The following TMEM17 variants were observed in gnomAD, a reference collection of about 807,000 sequenced individuals.
TMEM17 encodes the protein transmembrane protein 17.
A neutral mutation model predicts 19.1 loss-of-function variants in TMEM17; 15 were observed. The ratio of observed to expected loss-of-function variants is 0.78; its 90% CI spans 0.52 to 1.21. TMEM17 has a LOEUF of 1.21. Among genes scored for constraint, TMEM17 ranks in the 50% most tolerant of loss-of-function variants. The pLI is 0.00. For synonymous variants in TMEM17, 103 were observed against 86.9 expected, an observed-to-expected ratio of 1.19 and a Z score of -1.03; for missense variants, 245 against 242.3, an observed-to-expected ratio of 1.01 and a Z score of -0.07.
the TMEM17 span, among the ~76,000 whole-genome samples, chr2:62,492,384 C>T: frequency 6.6e-6 from 1 of 152,184 alleles, no homozygotes; most frequent in Non-Finnish European, 1.5e-5. Context: ...CAGCACACTG[C>T]CTGGCACATT....
At chr2:62,494,633 G>A in the TMEM17 span, among the ~76,000 whole-genome samples, 4 of 152,054 alleles carry the variant, frequency 2.6e-5, no homozygotes, top group African/African-American at 9.7e-5. Flanking sequence ...ATACTTTTCT[G>A]CCAGCCAAAT....
the TMEM17 span, among the ~76,000 whole-genome samples, chr2:62,470,451 A>G: frequency 6.6e-6 from 1 of 152,214 alleles, no homozygotes; most frequent in Admixed American, 6.5e-5. Flanking sequence ...AGGGATAAAC[A>G]TTCATGAGCA....
the TMEM17 span, among the ~76,000 whole-genome samples, chr2:62,493,199 T>C: frequency 1.3e-5 from 2 of 151,920 alleles, no homozygotes; most frequent in African/African-American, 4.8e-5. Context: ...GCTATTTTTT[T>C]CTATTTTTTG....
chr2:62,474,995 C>T, the TMEM17 span, among the ~76,000 whole-genome samples: 1 of 152,180 alleles, frequency 6.6e-6, no homozygotes, highest in Non-Finnish European at 1.5e-5. Flanking sequence ...TCACTTGGGA[C>T]GCTTTTTAAA....
the TMEM17 span, among the ~76,000 whole-genome samples, chr2:62,478,376 A>G: frequency 6.6e-6 from 1 of 152,290 alleles, no homozygotes; most frequent in African/African-American, 2.4e-5. Flanking sequence ...TGCTTCCTGT[A>G]TAGAGAAGGC....
In TMEM17 at chr2:62,501,081, G is replaced by T; in HGVS notation, c.*128C>A. ...AAGTTTCATCATTGCCCCCAACCTT[G>T]GAATTTCAGAGTGAGAGCATATACA... On this transcript the variant is annotated 3_prime_UTR_variant, in exon 4 of 4. Transcript: ENST00000335390. 9.2e-7 allele frequency: 1 copy of T among 1,082,074 alleles called. No individual in the cohort carries two copies. The highest frequency in any genetic ancestry group is 1.3e-6 in the Non-Finnish European group (1 of 757,638). The allele number at this position is 1,082,074 out of a possible 1,614,324, so 67.0% of individuals were successfully genotyped here. A position where few individuals can be genotyped will look rare whatever the true frequency, so the allele number is the denominator to read the frequency against.
the TMEM17 span, among the ~76,000 whole-genome samples, chr2:62,493,596 C>G: frequency 1.3e-5 from 2 of 152,110 alleles, no homozygotes; most frequent in Non-Finnish European, 2.9e-5. Context: ...TTGAAAAGTA[C>G]ATGTTGGAGA....
chr2:62,504,733 G>A (rs1471617002), intron 1 of TMEM17, among the ~76,000 whole-genome samples: 1 of 152,170 alleles, frequency 6.6e-6, no homozygotes, highest in Non-Finnish European at 1.5e-5. Context: ...GCCTGTTTTT[G>A]TACAGTCAAT....
the TMEM17 span, among the ~76,000 whole-genome samples, chr2:62,486,931 T>TG: frequency 6.6e-6 from 1 of 151,280 alleles, no homozygotes; most frequent in Non-Finnish European, 1.5e-5. Flanking sequence ...AGGCAGACAC[T>TG]GGGGGGTAAA....
chr2:62,478,345 G>C, the TMEM17 span, among the ~76,000 whole-genome samples: 13 of 152,274 alleles, frequency 8.5e-5, no homozygotes, highest in African/African-American at 3.1e-4. Context: ...TCAGGGAAGG[G>C]AGCAACATGT....
At chr2:62,490,847 T>TGGGCG in the TMEM17 span, among the ~76,000 whole-genome samples, 1 of 152,000 alleles carries the variant, frequency 6.6e-6, no homozygotes, top group Non-Finnish European at 1.5e-5. Flanking sequence ...GAGGCCAAGA[T>TGGGCG]GGGCGGATCA....
downstream of TMEM17, among the ~76,000 whole-genome samples, chr2:62,498,764 T>C (rs1679843868): frequency 6.6e-6 from 1 of 151,844 alleles, no homozygotes; most frequent in Middle Eastern, 3.4e-3. Flanking sequence ...TTTTGATTTA[T>C]ACAAAAAATA....
At chr2:62,485,140 C>G in the TMEM17 span, among the ~76,000 whole-genome samples, 2 of 152,162 alleles carry the variant, frequency 1.3e-5, no homozygotes, top group African/African-American at 4.8e-5. Flanking sequence ...GGGGTTTCAC[C>G]ATGTTGTGCA....
chr2:62,485,791 A>C, the TMEM17 span, among the ~76,000 whole-genome samples: 1 of 152,214 alleles, frequency 6.6e-6, no homozygotes, highest in African/African-American at 2.4e-5. Flanking sequence ...GGCACCGCTG[A>C]ATTATGCTTG....
At chr2:62,458,595 G>T in the TMEM17 span, among the ~76,000 whole-genome samples, 2 of 152,344 alleles carry the variant, frequency 1.3e-5, no homozygotes, top group East Asian at 3.9e-4. Context: ...GGGTGCTGCT[G>T]AATGGGACTC....
chr2:62,494,058 A>G, the TMEM17 span, among the ~76,000 whole-genome samples: 5 of 152,202 alleles, frequency 3.3e-5, no homozygotes, highest in Non-Finnish European at 5.9e-5. Flanking sequence ...TTACAGTCTT[A>G]TCATAAGGAA....
At chr2:62,462,744 T>A in the TMEM17 span, among the ~76,000 whole-genome samples, 1 of 152,196 alleles carries the variant, frequency 6.6e-6, no homozygotes, top group East Asian at 1.9e-4. Flanking sequence ...TTATAATCAA[T>A]AAAGCCCTAG....
At chr2:62,461,565 G>T in the TMEM17 span, among the ~76,000 whole-genome samples, 1 of 152,108 alleles carries the variant, frequency 6.6e-6, no homozygotes, top group Non-Finnish European at 1.5e-5. Flanking sequence ...TTTTTTGCAG[G>T]GAAACTTAAG....
At chr2:62,498,230 C>CA (rs1341797615), downstream of TMEM17, among the ~76,000 whole-genome samples, 3 of 150,546 alleles carry the variant, frequency 2.0e-5, no homozygotes, top group Non-Finnish European at 3.0e-5. Flanking sequence ...ACTAAAAATA[C>CA]AAAAAAATTA....
Sources: allele counts gnomAD v4.1 joint callset (sites outside exome capture counted in the v4.1 genomes callset), GRCh38; gene constraint gnomAD v4.1.1; transcripts MANE v1.5; gene names NCBI Gene and HGNC (gene_info 2026-07-23, HGNC 2026-07-21).